Variants in PDE10A observed in about 807,000 individuals in gnomAD.
PDE10A encodes phosphodiesterase 10A.
In PDE10A, 39 loss-of-function variants were observed where a neutral mutation model predicts 97.7. That is an observed-to-expected ratio of 0.40 (90% CI 0.31 to 0.52). PDE10A has a LOEUF of 0.52. PDE10A is among the 20% of genes least tolerant of loss of function. PDE10A has a pLI of 0.56. For missense variants in PDE10A, 731 were observed against 1,047.8 expected (o/e 0.70, Z 4.17); for synonymous variants, 371 against 376.8 (o/e 0.98, Z 0.18).
chr6:165,802,978 C>T (rs945867886), intron 1 of PDE10A, among the ~76,000 whole-genome samples: 2 of 152,172 alleles, frequency 1.3e-5, no homozygotes, highest in African/African-American at 2.4e-5. Flanking sequence ...AAATAAATTA[C>T]GAGTTCCCAG....
chr6:165,682,724 G>A (rs548376430), intron 1 of PDE10A, among the ~76,000 whole-genome samples: 2 of 152,210 alleles, frequency 1.3e-5, no homozygotes, highest in South Asian at 2.1e-4. Flanking sequence ...TTTATAACTC[G>A]CCAAGTTTAT....
At chr6:165,625,624 G>C (rs527786065) in intron 1 of PDE10A, among the ~76,000 whole-genome samples, 1 of 152,124 alleles carries the variant, frequency 6.6e-6, no homozygotes, top group African/African-American at 2.4e-5. Context: ...TGCATCATGA[G>C]GGTGGGTCTT....
chr6:165,386,751 C>T (rs555799795), intron 17 of PDE10A, among the ~76,000 whole-genome samples: 2 of 151,702 alleles, frequency 1.3e-5, no homozygotes, highest in South Asian at 4.2e-4. Flanking sequence ...GCCTGTAATC[C>T]CAGCACTTTG....
chr6:165,697,718 C>T (rs765243269), intron 1 of PDE10A, among the ~76,000 whole-genome samples: 2 of 151,826 alleles, frequency 1.3e-5, no homozygotes, highest in East Asian at 1.9e-4. Flanking sequence ...GTAGATGGGG[C>T]GATTGGAAGT....
intron 3 of PDE10A, among the ~76,000 whole-genome samples, chr6:165,458,685 T>TCACA (rs374702289): frequency 2.0e-5 from 3 of 148,026 alleles, no homozygotes; most frequent in Non-Finnish European, 4.5e-5. Context: ...ACACACACAC[T>TCACA]CACACACACA....
intron 3 of PDE10A, among the ~76,000 whole-genome samples, chr6:165,471,622 T>C (rs1242557667): frequency 2.0e-5 from 3 of 152,134 alleles, no homozygotes; most frequent in African/African-American, 4.8e-5. Flanking sequence ...CAGCCTTCCA[T>C]TGGCTCAGGC....
chr6:165,555,657 G>C (rs574631123), intron 1 of PDE10A, among the ~76,000 whole-genome samples: 1 of 152,256 alleles, frequency 6.6e-6, no homozygotes, highest in South Asian at 2.1e-4. Context: ...AATAATTAAT[G>C]GTTTAGATAC....
chr6:165,449,341 A>G (rs966804890), intron 4 of PDE10A, among the ~76,000 whole-genome samples: 1 of 152,222 alleles, frequency 6.6e-6, no homozygotes, highest in East Asian at 1.9e-4. Flanking sequence ...TATTTATAAT[A>G]TTAAATAACC....
At chr6:165,849,321 C>T (rs558064651) in intron 1 of PDE10A, among the ~76,000 whole-genome samples, 14 of 152,264 alleles carry the variant, frequency 9.2e-5, no homozygotes, top group South Asian at 6.2e-4. Flanking sequence ...TTGCTGTTAT[C>T]GAACCCATGT....
At chr6:165,449,058 G>T in intron 4 of PDE10A, 81 bp from the exon 5 acceptor site, 1 of 926,754 alleles carries the variant, frequency 1.1e-6, no homozygotes, top group Non-Finnish European at 1.8e-6. Context: ...GTGAGAGGCA[G>T]ATGTGAGTCT....
At chr6:165,582,715 C>G (rs1547681) in intron 1 of PDE10A, among the ~76,000 whole-genome samples, 123,052 of 151,624 alleles carry the variant, frequency 0.81, 52,063 homozygotes, top group Non-Finnish European at 0.94. Context: ...ATTTTTACTA[C>G]CTTGTCTTGT....
At chr6:165,963,967 C>T (rs536537682) in intron 1 of PDE10A, among the ~76,000 whole-genome samples, 107 of 152,312 alleles carry the variant, frequency 7.0e-4, no homozygotes, top group African/African-American at 2.4e-3. Flanking sequence ...AAGGTGTCAG[C>T]GGCAACATCA....
chr6:165,459,431 G>T (rs1278308003), intron 3 of PDE10A, among the ~76,000 whole-genome samples: 1 of 151,798 alleles, frequency 6.6e-6, no homozygotes, highest in Non-Finnish European at 1.5e-5. Context: ...AGTAGAAAAT[G>T]GCATTTAAAA....
At chr6:165,929,826 G>A (rs570930348) in intron 1 of PDE10A, among the ~76,000 whole-genome samples, 1 of 152,302 alleles carries the variant, frequency 6.6e-6, no homozygotes, top group Non-Finnish European at 1.5e-5. Context: ...GGAAGAGTGT[G>A]CTCCCTAATG....
At chr6:165,410,956 C>CA (rs1554257621) in intron 13 of PDE10A, among the ~76,000 whole-genome samples, 3 of 30,252 alleles carry the variant, frequency 9.9e-5, no homozygotes, top group African/African-American at 2.7e-4. Context: ...GGCGTGGTGG[C>CA]GGTGCCTGTA....
At chr6:165,690,250 T>TCC (rs1230151161) in intron 1 of PDE10A, among the ~76,000 whole-genome samples, 2 of 152,300 alleles carry the variant, frequency 1.3e-5, no homozygotes, top group Non-Finnish European at 2.9e-5. Flanking sequence ...GTTATTAATT[T>TCC]CCCCATAAGT....
intron 1 of PDE10A, among the ~76,000 whole-genome samples, chr6:165,755,153 C>A (rs1175491176): frequency 6.6e-6 from 1 of 152,182 alleles, no homozygotes; most frequent in Non-Finnish European, 1.5e-5. Context: ...GTGGAATTGG[C>A]ACCTAGCAGC....
intron 18 of PDE10A, among the ~76,000 whole-genome samples, chr6:165,373,973 C>G (rs546241678): frequency 1.3e-4 from 19 of 150,090 alleles, no homozygotes; most frequent in Non-Finnish European, 2.4e-4. Flanking sequence ...AGTAAACTAT[C>G]GCAAGGACAA....
chr6:165,474,014 G>A (rs1779157811), intron 3 of PDE10A, among the ~76,000 whole-genome samples: 1 of 152,184 alleles, frequency 6.6e-6, no homozygotes, highest in African/African-American at 2.4e-5. Context: ...ATTAGTTGTA[G>A]AGCATAATTA....
Sources: gnomAD v4.1 joint callset for allele counts (sites outside exome capture counted in the v4.1 genomes callset) on GRCh38, gnomAD v4.1.1 for gene constraint, MANE v1.5 for transcripts, NCBI Gene and HGNC (gene_info 2026-07-23, HGNC 2026-07-21) for gene names.